APTX: variants seen among roughly 807,000 people sequenced by gnomAD.
The protein encoded by APTX is aprataxin.
A neutral mutation model predicts 42.3 loss-of-function variants in APTX; 33 were observed. The observed-to-expected ratio is 0.78, with a 90% CI of 0.59 to 1.04. The LOEUF (loss-of-function observed/expected upper bound fraction) is 1.04, where lower values mean the gene tolerates loss of function less well. Among genes scored for constraint, APTX ranks in the 50% least tolerant of loss-of-function variants. The probability of loss-of-function intolerance (pLI) is 0.00; values close to 1 mark genes in which losing one functional copy is unlikely to be tolerated. For missense variants in APTX, 421 were observed against 415.1 expected (o/e 1.01, Z -0.12); for synonymous variants, 130 against 146.7 (o/e 0.89, Z 0.82).
In APTX at chr9:33,001,584, G is replaced by A. The variant is rs367600354; in HGVS notation, c.-22C>T. On this transcript the variant is annotated 5_prime_UTR_variant, in exon 1 of 8. Transcript: ENST00000379817. ...CGCCTTACCTCCAGAAGTCGGAGACGGACAAATTCACGTTACTCATCTGTG... is the reference window on the plus strand; with the variant it reads ...CGCCTTACCTCCAGAAGTCGGAGACAGACAAATTCACGTTACTCATCTGTG... The A allele has an allele frequency of 1.9e-5, 31 of 1,613,816 alleles. No individual in the cohort carries two copies. The highest frequency in any genetic ancestry group is 1.3e-4 in the African/African-American group (10 of 74,930).
intron 4 of APTX, among the ~76,000 whole-genome samples, 166 bp downstream of exon 4, chr9:32,987,378 A>G (rs1428781467): frequency 1.3e-5 from 2 of 152,254 alleles, no homozygotes; most frequent in East Asian, 3.8e-4. Context: ...AAAAAAGCAC[A>G]TAAAGGAACA....
intron 1 of APTX, among the ~76,000 whole-genome samples, chr9:33,008,993 T>TA (rs1267705355): frequency 1.3e-5 from 2 of 152,244 alleles, no homozygotes; most frequent in African/African-American, 2.4e-5. Context: ...AAATTCACTT[T>TA]AAAATCTTCC....
intron 1 of APTX, among the ~76,000 whole-genome samples, chr9:33,012,292 G>GA (rs966703041): frequency 2.0e-4 from 30 of 150,472 alleles, no homozygotes; most frequent in Non-Finnish European, 3.7e-4. Context: ...CATGATTAAA[G>GA]AAAAAAAAAG....
In APTX at chr9:33,017,929, C is replaced by G. The variant is rs973080546; in HGVS notation, c.-5+7094G>C. On this transcript the variant is annotated intron_variant, in intron 1 of 6. Transcript: ENST00000436040. ...TGGTTAGTTGCCCTAGCAACCAGCGCCCCCCCCCCCCTCCCATTTTCGGGC... is the reference window on the plus strand; with the variant it reads ...TGGTTAGTTGCCCTAGCAACCAGCGGCCCCCCCCCCCTCCCATTTTCGGGC... Among the ~76,000 whole-genome samples, 12 of 27,406 alleles carry G rather than the reference C, an allele frequency of 4.4e-4. 1 individual carries two copies. Among genetic ancestry groups the G allele is most frequent in the Admixed American group, 2.9e-3 (10 of 3,408 alleles). 18.0% of individuals were successfully genotyped at this position (27,406 alleles called of 152,430 possible).
At chr9:33,003,631 C>CA (rs138295580), upstream of APTX, among the ~76,000 whole-genome samples, 10,759 of 148,322 alleles carry the variant, frequency 0.073, 509 homozygotes, top group Non-Finnish European at 0.11. Context: ...GACTCTGCCT[C>CA]AAAAAAAAAA....
At chr9:33,012,025 G>A (rs1318607800) in intron 1 of APTX, among the ~76,000 whole-genome samples, 1 of 152,072 alleles carries the variant, frequency 6.6e-6, no homozygotes. Context: ...AGACAACCCC[G>A]AGACACTCCT....
At chr9:32,977,636 G>C (rs141814241) in intron 6 of APTX, among the ~76,000 whole-genome samples, 540 of 152,236 alleles carry the variant, frequency 3.5e-3, no homozygotes, top group African/African-American at 0.012. Flanking sequence ...TTCAAGACCA[G>C]CCTGGCCAAT....
At chr9:33,020,045 GGGTGTCCGC>G (rs1408670775) in intron 1 of APTX, 2 of 396,310 alleles carry the variant, frequency 5.0e-6, no homozygotes, top group African/African-American at 4.1e-5. Flanking sequence ...GGAGCTGCCG[GGGTGTCCGC>G]GCCCCCGGGG....
chr9:32,996,982 G>A (rs1489208973), intron 1 of APTX, among the ~76,000 whole-genome samples: 2 of 152,204 alleles, frequency 1.3e-5, no homozygotes, highest in East Asian at 3.8e-4. Context: ...ACTCCATTCT[G>A]AGAAGAGAAA....
chr9:32,974,559 TG>T lies in APTX; in HGVS notation c.772del (p.His258MetfsTer6). 6.4e-7 allele frequency: 1 copy of T among 1,564,162 alleles called. No homozygotes were observed. The highest frequency in any genetic ancestry group is 8.7e-7 in the Non-Finnish European group (1 of 1,154,694). ...LGYHAIPSMSHVHLHVISQDF... is the reference protein window; with the variant it reads ...LGYHAIPSMSXVHLHVISQDF... ...CTGGCTGATCACATGAAGATGTACA[TG>T]GCTAGTTGAAAGAAAAAAAAACTGA... is the stretch of plus-strand genomic sequence containing the variant. On this transcript the variant is annotated frameshift_variant and splice_region_variant, in exon 7 of 8. Transcript: ENST00000379817. LOFTEE classifies it high-confidence loss of function.
intron 1 of APTX, among the ~76,000 whole-genome samples, chr9:32,991,338 C>CCA (rs1833584349): frequency 6.6e-6 from 1 of 152,160 alleles, no homozygotes; most frequent in Non-Finnish European, 1.5e-5. Context: ...GCCATGTGGA[C>CCA]TATCAGTAAA....
At chr9:32,981,064 T>C (rs1373217060) in intron 6 of APTX, among the ~76,000 whole-genome samples, 2 of 152,316 alleles carry the variant, frequency 1.3e-5, no homozygotes, top group East Asian at 3.9e-4. Context: ...GAAAATATAT[T>C]AACTATACTA....
intron 1 of APTX, among the ~76,000 whole-genome samples, chr9:32,998,014 AG>A (rs1835365960): frequency 6.6e-6 from 1 of 152,226 alleles, no homozygotes; most frequent in African/African-American, 2.4e-5. Context: ...AAAGGACAAC[AG>A]TAGAGATGGA....
intron 1 of APTX, chr9:33,020,148 G>A (rs775446705): frequency 2.5e-5 from 9 of 353,548 alleles, no homozygotes; most frequent in South Asian, 2.7e-4. Context: ...CCCTGGCTCC[G>A]ACTCCTTTTC....
In APTX at chr9:33,001,559, C is replaced by A; in HGVS notation, c.-5+8G>T. On this transcript the variant is annotated splice_region_variant and intron_variant, in intron 1 of 7. Coordinates refer to ENST00000379817, the MANE Select transcript of APTX (RefSeq NM_001195248.2). Reference sequence around the variant, plus strand: ...CCAGCAGAAGAGATAGGCTGACGACCGCCTTACCTCCAGAAGTCGGAGACG... The same window carrying A: ...CCAGCAGAAGAGATAGGCTGACGACAGCCTTACCTCCAGAAGTCGGAGACG... 6.2e-7 allele frequency: 1 copy of A among 1,613,824 alleles called. No homozygotes were observed. The highest frequency in any genetic ancestry group is 8.5e-7 in the Non-Finnish European group (1 of 1,180,014).
chr9:33,004,948 CTT>C (rs1025766331), upstream of APTX, among the ~76,000 whole-genome samples: 1 of 151,602 alleles, frequency 6.6e-6, no homozygotes, highest in South Asian at 2.1e-4. Context: ...CCGCTTGTTA[CTT>C]TTTTTTGATA....
upstream of APTX, among the ~76,000 whole-genome samples, chr9:33,004,703 G>A (rs1176474175): frequency 6.7e-6 from 1 of 148,824 alleles, no homozygotes; most frequent in Non-Finnish European, 1.5e-5. Flanking sequence ...TGCAATCTCG[G>A]CTCCCTGCAA....
intron 6 of APTX, among the ~76,000 whole-genome samples, chr9:32,978,960 T>C (rs188979867): frequency 3.2e-4 from 48 of 152,328 alleles, no homozygotes; most frequent in African/African-American, 1.0e-3. Flanking sequence ...AAAGCATATT[T>C]TTTTGGATAT....
chr9:32,988,031 A>T, intron 3 of APTX, 52 bp downstream of exon 3: 1 of 1,586,214 alleles, frequency 6.3e-7, no homozygotes, highest in Non-Finnish European at 8.7e-7. Flanking sequence ...TCTAAAGTCA[A>T]CAGCATAAGA....
Sources: gnomAD v4.1 joint callset for allele counts (sites outside exome capture counted in the v4.1 genomes callset) on GRCh38, gnomAD v4.1.1 for gene constraint, MANE v1.5 for transcripts, NCBI Gene and HGNC (gene_info 2026-07-23, HGNC 2026-07-21) for gene names.